The following EPHA6 variants were observed in gnomAD, a reference collection of about 807,000 sequenced individuals.
EPHA6 encodes ephrin type-A receptor 6.
Under a neutral mutation model 112.0 loss-of-function variants are expected in EPHA6, and 50 were observed. The ratio of observed to expected loss-of-function variants is 0.45; its 90% CI spans 0.36 to 0.56. EPHA6 has a LOEUF of 0.56. EPHA6 is among the 20% of genes least tolerant of loss of function. EPHA6 has a pLI of 0.00. For missense variants in EPHA6, 1,280 were observed against 1,417.4 expected (o/e 0.90, Z 1.56); for synonymous variants, 529 against 490.7 (o/e 1.08, Z -1.03).
chr3:96,989,506 T>G (rs1420590513), intron 3 of EPHA6, among the ~76,000 whole-genome samples: 1 of 152,166 alleles, frequency 6.6e-6, no homozygotes, highest in Non-Finnish European at 1.5e-5. Flanking sequence ...GGAGTTAGGA[T>G]CTAAAGATAT....
chr3:96,948,841 A>G (rs948325405), intron 2 of EPHA6, among the ~76,000 whole-genome samples: 2 of 152,208 alleles, frequency 1.3e-5, no homozygotes, highest in Non-Finnish European at 2.9e-5. Context: ...ATAAGGTACA[A>G]AAGACTAAAG....
intron 13 of EPHA6, among the ~76,000 whole-genome samples, chr3:97,628,697 A>G (rs1021519476): frequency 6.6e-6 from 1 of 152,056 alleles, no homozygotes; most frequent in Non-Finnish European, 1.5e-5. Context: ...TAAAAATTAA[A>G]GAGATCTTTT....
chr3:97,251,778 A>G (rs1317536447), intron 5 of EPHA6, among the ~76,000 whole-genome samples: 1 of 152,156 alleles, frequency 6.6e-6, no homozygotes, highest in Non-Finnish European at 1.5e-5. Flanking sequence ...TAAATAATTT[A>G]TGATGTCCAG....
chr3:96,938,710 G>A (rs1250327726), intron 2 of EPHA6, among the ~76,000 whole-genome samples: 1 of 151,562 alleles, frequency 6.6e-6, no homozygotes, highest in Non-Finnish European at 1.5e-5. Flanking sequence ...AATGCTTCCA[G>A]TTTTTGCCCA....
chr3:97,559,458 C>T, intron 11 of EPHA6: 1 of 320,224 alleles, frequency 3.1e-6, no homozygotes, highest in Non-Finnish European at 6.1e-6. Flanking sequence ...AGCCACTCTT[C>T]TAGAAACAAA....
chr3:96,973,047 G>A (rs2042378721), intron 2 of EPHA6, among the ~76,000 whole-genome samples: 1 of 152,124 alleles, frequency 6.6e-6, no homozygotes, highest in Non-Finnish European at 1.5e-5. Flanking sequence ...ATTCCTCAAT[G>A]ACTGCCAGTT....
chr3:97,378,403 G>C (rs1299717523), intron 5 of EPHA6, among the ~76,000 whole-genome samples: 1 of 152,222 alleles, frequency 6.6e-6, no homozygotes, highest in Non-Finnish European at 1.5e-5. Flanking sequence ...CAGTGCGAAA[G>C]GGAAATGTGG....
chr3:97,068,200 C>G (rs988385782), intron 3 of EPHA6, among the ~76,000 whole-genome samples: 1 of 144,130 alleles, frequency 6.9e-6, no homozygotes, highest in African/African-American at 2.6e-5. Flanking sequence ...GATAAAGAAT[C>G]ATTTTGGTTT....
At chr3:97,416,581 G>A (rs534416054) in intron 6 of EPHA6, among the ~76,000 whole-genome samples, 2 of 152,146 alleles carry the variant, frequency 1.3e-5, no homozygotes, top group Admixed American at 6.6e-5. Context: ...ATATAGTAAG[G>A]AAGGAGAGAT....
At chr3:97,288,308 C>T (rs2108680076) in intron 5 of EPHA6, among the ~76,000 whole-genome samples, 1 of 152,236 alleles carries the variant, frequency 6.6e-6, no homozygotes, top group Non-Finnish European at 1.5e-5. Flanking sequence ...CAACTTTTAG[C>T]TCCCACTTAA....
intron 1 of EPHA6, among the ~76,000 whole-genome samples, chr3:96,854,517 A>G (rs1436901532): frequency 6.6e-6 from 1 of 152,194 alleles, no homozygotes. Flanking sequence ...TCTGTTTTTC[A>G]CATGAGATTG....
chr3:96,870,291 G>T (rs1200186142), intron 2 of EPHA6, among the ~76,000 whole-genome samples: 2 of 151,968 alleles, frequency 1.3e-5, no homozygotes, highest in African/African-American at 4.8e-5. Context: ...CCGGGGAGTG[G>T]GTACTGACAT....
chr3:96,836,195 A>G (rs1008073693), intron 1 of EPHA6, among the ~76,000 whole-genome samples: 3 of 152,140 alleles, frequency 2.0e-5, no homozygotes, highest in Non-Finnish European at 4.4e-5. Context: ...ATACTAGTGC[A>G]TGAATAACTA....
chr3:97,321,793 C>T (rs183976001), intron 5 of EPHA6, among the ~76,000 whole-genome samples: 1 of 152,130 alleles, frequency 6.6e-6, no homozygotes, highest in East Asian at 1.9e-4. Context: ...TATTTGTTAA[C>T]TATAGACTAG....
intron 13 of EPHA6, among the ~76,000 whole-genome samples, chr3:97,635,181 G>C (rs1468765659): frequency 6.6e-6 from 1 of 152,004 alleles, no homozygotes; most frequent in African/African-American, 2.4e-5. Flanking sequence ...CAATGGATTA[G>C]AAGTAAATAT....
At chr3:96,892,157 A>G (rs1442688510) in intron 2 of EPHA6, among the ~76,000 whole-genome samples, 1 of 152,168 alleles carries the variant, frequency 6.6e-6, no homozygotes, top group Non-Finnish European at 1.5e-5. Flanking sequence ...ACATCATAGG[A>G]GGCAGAGAAT....
intron 2 of EPHA6, among the ~76,000 whole-genome samples, chr3:96,942,109 C>T (rs554133681): frequency 1.1e-4 from 17 of 152,288 alleles, no homozygotes; most frequent in South Asian, 6.2e-4. Context: ...TCTCCAGCTG[C>T]GTGCTGGGAG....
At chr3:97,287,781 C>T (rs2080525451) in intron 5 of EPHA6, among the ~76,000 whole-genome samples, 1 of 152,014 alleles carries the variant, frequency 6.6e-6, no homozygotes, top group African/African-American at 2.4e-5. Flanking sequence ...GATGTGTTAC[C>T]TTTTTGATGG....
intron 14 of EPHA6, among the ~76,000 whole-genome samples, chr3:97,669,675 A>T (rs2030588663): frequency 6.6e-6 from 1 of 151,904 alleles, no homozygotes; most frequent in Non-Finnish European, 1.5e-5. Context: ...CCCCCACTCC[A>T]TGATTTTTAT....
Sources: allele counts gnomAD v4.1 joint callset (sites outside exome capture counted in the v4.1 genomes callset), GRCh38; gene constraint gnomAD v4.1.1; transcripts MANE v1.5; gene names NCBI Gene and HGNC (gene_info 2026-07-23, HGNC 2026-07-21).